The following TMEM244 variants were observed in gnomAD, a reference collection of about 807,000 sequenced individuals.
The protein encoded by TMEM244 is transmembrane protein 244.
Under a neutral mutation model 15.8 loss-of-function variants are expected in TMEM244, and 13 were observed. The ratio of observed to expected loss-of-function variants is 0.82; its 90% CI spans 0.53 to 1.30. The LOEUF (loss-of-function observed/expected upper bound fraction) is 1.30, where lower values mean the gene tolerates loss of function less well. TMEM244 is among the 50% of genes most tolerant of loss of function. TMEM244 has a pLI of 0.00. For synonymous variants in TMEM244, 45 were observed against 48.7 expected (o/e 0.92, Z 0.32); for missense variants, 161 against 144.9 (o/e 1.11, Z -0.57).
chr6:129,847,867 C>T (rs556848043), intron 1 of TMEM244, among the ~76,000 whole-genome samples: 64 of 151,424 alleles, frequency 4.2e-4, no homozygotes, highest in Admixed American at 4.0e-4. Context: ...CTCGGTCTCC[C>T]GGGTTCAAGC....
intron 3 of TMEM244, among the ~76,000 whole-genome samples, chr6:129,834,252 C>T (rs1776372364): frequency 6.6e-6 from 1 of 152,140 alleles, no homozygotes; most frequent in Non-Finnish European, 1.5e-5. Context: ...TCTAAGAGCC[C>T]TGAACACGTG....
At chr6:129,855,114 C>G (rs755142492) in intron 1 of TMEM244, among the ~76,000 whole-genome samples, 3 of 152,182 alleles carry the variant, frequency 2.0e-5, no homozygotes, top group Non-Finnish European at 4.4e-5. Context: ...GGCAGGATTT[C>G]CACATGGGAC....
At chr6:129,849,942 A>C (rs191495381) in intron 1 of TMEM244, among the ~76,000 whole-genome samples, 11 of 152,260 alleles carry the variant, frequency 7.2e-5, no homozygotes, top group Admixed American at 3.9e-4. Context: ...ATCCTTGACA[A>C]CACTTATTTT....
intron 1 of TMEM244, among the ~76,000 whole-genome samples, chr6:129,853,093 A>G (rs917488224): frequency 6.6e-6 from 1 of 152,172 alleles, no homozygotes; most frequent in African/African-American, 2.4e-5. Flanking sequence ...CATCACCTCC[A>G]ATGGAGGAAC....
chr6:129,856,232 A>G (rs1040250845), intron 1 of TMEM244, among the ~76,000 whole-genome samples: 6 of 151,994 alleles, frequency 3.9e-5, no homozygotes, highest in African/African-American at 1.2e-4. Context: ...ACATATCCCC[A>G]TCATTTTTGT....
intron 4 of TMEM244, 69 bp from the exon 5 acceptor site, chr6:129,831,455 CTGTT>C (rs1361999578): frequency 9.1e-7 from 1 of 1,096,550 alleles, no homozygotes; most frequent in African/African-American, 1.5e-5. Flanking sequence ...AGAAATACGT[CTGTT>C]TGGTCAAATT....
rs537774544 is a variant in TMEM244, at chr6:129,836,189, T to A, written c.194-2604A>T. 2.6e-5 allele frequency among the ~76,000 whole-genome samples: 4 copies of A among 152,134 alleles called. No individual in the cohort carries two copies. The South Asian group carries it at 8.3e-4, about 32-fold the overall frequency. On this transcript the variant is annotated intron_variant, in intron 3 of 4. Transcript: ENST00000368143. ...CCGACAGACACCTCAAACAGGCAGGTGCCCCTCTGGGACGAAGCTTCCAGA... is the reference window on the plus strand; with the variant it reads ...CCGACAGACACCTCAAACAGGCAGGAGCCCCTCTGGGACGAAGCTTCCAGA...
intron 1 of TMEM244, among the ~76,000 whole-genome samples, chr6:129,855,151 A>G (rs1377597067): frequency 6.6e-6 from 1 of 152,194 alleles, no homozygotes; most frequent in East Asian, 1.9e-4. Flanking sequence ...TCCTGAGCAA[A>G]ATGGGCAAGA....
intron 1 of TMEM244, among the ~76,000 whole-genome samples, chr6:129,860,546 C>T (rs1776792869): frequency 6.6e-6 from 1 of 152,062 alleles, no homozygotes; most frequent in Non-Finnish European, 1.5e-5. Flanking sequence ...TCTGATTTTC[C>T]ACTATCATTC....
intron 1 of TMEM244, among the ~76,000 whole-genome samples, chr6:129,849,912 G>A (rs921740114): frequency 6.6e-6 from 1 of 152,154 alleles, no homozygotes; most frequent in Non-Finnish European, 1.5e-5. Context: ...TGTGAAGGGG[G>A]CATGAACATT....
At position 129,833,565 on chromosome 6, in the gene TMEM244, C is replaced by T. The variant is rs1459824435; in HGVS notation, c.214G>A (p.Val72Ile). ...AACAATCCACAAACAAAGTAGGTGA[C>T]CTCTGTTGAAACTAAAAGAACTGCA... ...NYKVLLVSTE[V>I]TYFVCGLFFV... The change falls in exon 4 of 5, where the codon GTC (valine) becomes ATC (isoleucine). Residue 72 changes from valine to isoleucine, a missense_variant. By Grantham distance (29) the Val-to-Ile change is conservative (BLOSUM62 3). Coordinates refer to ENST00000368143, the MANE Select transcript of TMEM244 (RefSeq NM_001010876.2). The T allele has an allele frequency of 1.9e-6, 3 of 1,611,930 alleles. No individual in the cohort carries two copies. The highest frequency in any genetic ancestry group is 2.5e-6 in the Non-Finnish European group (3 of 1,179,156).
At chr6:129,844,258 T>A (rs906011311) in intron 2 of TMEM244, among the ~76,000 whole-genome samples, 9 of 152,196 alleles carry the variant, frequency 5.9e-5, no homozygotes, top group Admixed American at 5.2e-4. Flanking sequence ...TCCAATTAAG[T>A]TCCACTTTGT....
At chr6:129,839,352 G>T (rs1361398299) in intron 3 of TMEM244, among the ~76,000 whole-genome samples, 1 of 152,180 alleles carries the variant, frequency 6.6e-6, no homozygotes, top group Non-Finnish European at 1.5e-5. Context: ...AATAGATGCA[G>T]AAAAGGCCTT....
intron 4 of TMEM244, 78 bp from the exon 5 acceptor site, chr6:129,831,464 CA>C: frequency 1.0e-6 from 1 of 970,512 alleles, no homozygotes; most frequent in South Asian, 1.4e-5. Context: ...TCTGTTTGGT[CA>C]AATTATATCC....
chr6:129,858,514 C>T (rs1431866464), intron 1 of TMEM244, among the ~76,000 whole-genome samples: 6 of 152,176 alleles, frequency 3.9e-5, no homozygotes, highest in Admixed American at 2.0e-4. Flanking sequence ...CCACCCCTCA[C>T]TGCAGGACAG....
intron 3 of TMEM244, 149 bp from the exon 4 acceptor site, chr6:129,833,734 T>G (rs1776363248): frequency 2.6e-6 from 2 of 769,660 alleles, no homozygotes; most frequent in Admixed American, 3.0e-5. Context: ...ATCCTCAAAT[T>G]TGGATAAAAC....
chr6:129,840,233 T>C (rs1207835975), intron 3 of TMEM244, among the ~76,000 whole-genome samples: 2 of 152,078 alleles, frequency 1.3e-5, no homozygotes, highest in Non-Finnish European at 2.9e-5. Flanking sequence ...AAAACAGATA[T>C]ATAGACCAAT....
At position 129,861,167 on chromosome 6, in the gene TMEM244, C is replaced by T; in HGVS notation, c.22G>A (p.Ala8Thr). 1 of 1,613,792 alleles carries T rather than the reference C, an allele frequency of 6.2e-7. No homozygotes were observed. Among genetic ancestry groups the T allele is most frequent in the Non-Finnish European group, 8.5e-7 (1 of 1,179,746 alleles). MALQVRV[A>T]PSKVVLQKFL... ...TAATTTCTCTTTACCTTGCTTGGAG[C>T]AACTCTGACCTGGAGAGCCATGTAC... Residue 8 changes from alanine to threonine, a missense_variant, in exon 1 of 5, where the codon GCT becomes ACT. Transcript: ENST00000368143.
chr6:129,844,308 A>C (rs1776533187), intron 2 of TMEM244, among the ~76,000 whole-genome samples: 1 of 152,220 alleles, frequency 6.6e-6, no homozygotes, highest in Non-Finnish European at 1.5e-5. Flanking sequence ...TCTCAGCTAG[A>C]ATCTTGATAG....
Sources: allele counts gnomAD v4.1 joint callset (sites outside exome capture counted in the v4.1 genomes callset), GRCh38; gene constraint gnomAD v4.1.1; transcripts MANE v1.5; gene names NCBI Gene and HGNC (gene_info 2026-07-23, HGNC 2026-07-21).